The following KCNMA1 variants were observed in gnomAD, a reference collection of about 807,000 sequenced individuals.
The protein encoded by KCNMA1 is Calcium-activated potassium channel subunit alpha-1.
In KCNMA1, 29 loss-of-function variants were observed where a neutral mutation model predicts 140.0. The ratio of observed to expected loss-of-function variants is 0.21; its 90% CI spans 0.15 to 0.28. KCNMA1 has a LOEUF of 0.28. Among genes scored for constraint, KCNMA1 ranks in the 10% least tolerant of loss-of-function variants. KCNMA1 has a pLI of 1.00. For missense variants in KCNMA1, 880 were observed against 1,602.2 expected (o/e 0.55, Z 7.70); for synonymous variants, 612 against 611.9 (o/e 1.00, Z 0.00).
At chr10:77,180,155 C>T (rs927623362) in intron 5 of KCNMA1, among the ~76,000 whole-genome samples, 3 of 152,198 alleles carry the variant, frequency 2.0e-5, no homozygotes, top group African/African-American at 7.2e-5. Flanking sequence ...CGGTTTCCTG[C>T]ATCTTATCCC....
At chr10:76,940,318 G>T (rs1264739477) in intron 23 of KCNMA1, among the ~76,000 whole-genome samples, 1 of 152,232 alleles carries the variant, frequency 6.6e-6, no homozygotes, top group African/African-American at 2.4e-5. Context: ...TCAAAAGGGA[G>T]TGTGAAAAGA....
chr10:77,344,523 G>A (rs762639836), intron 2 of KCNMA1, among the ~76,000 whole-genome samples: 2 of 151,878 alleles, frequency 1.3e-5, no homozygotes, highest in African/African-American at 2.4e-5. Context: ...TTATTTAACC[G>A]TACTTATTTT....
chr10:76,884,854 AAAT>A (rs1222984639), downstream of KCNMA1: 11 of 1,317,162 alleles, frequency 8.4e-6, no homozygotes, highest in African/African-American at 1.4e-4. Flanking sequence ...ATATAAATAA[AAAT>A]AAACAAACCA....
At position 76,953,870 on chromosome 10, in the gene KCNMA1, A is replaced by G. The variant is rs747754566; in HGVS notation, c.2415T>C (p.Asn805=). ...TCCCAGTAGAGTCGTACTTCTTCAC[A>G]TTGGAGTCCATGTTGTCAATCTGAT... is the stretch of plus-strand genomic sequence containing the variant. ...GNDQIDNMDS[N]VKKYDSTGMF... The change falls in exon 21 of 28, where the codon AAT becomes AAC. Residue 805 remains asparagine (N), a synonymous_variant. Coordinates refer to ENST00000286628, the MANE Select transcript of KCNMA1 (RefSeq NM_001161352.2). 1.2e-6 allele frequency: 2 copies of G among 1,614,052 alleles called. No homozygotes were observed. Among genetic ancestry groups the G allele is most frequent in the Non-Finnish European group, 1.7e-6 (2 of 1,179,922 alleles).
intron 2 of KCNMA1, among the ~76,000 whole-genome samples, chr10:77,286,311 C>T (rs1473262476): frequency 3.3e-5 from 5 of 152,158 alleles, no homozygotes; most frequent in Non-Finnish European, 1.5e-5. Flanking sequence ...AGCCTGAGAG[C>T]GGAGGCTGAT....
chr10:77,014,043 T>C (rs1381990860), intron 17 of KCNMA1, among the ~76,000 whole-genome samples: 1 of 152,244 alleles, frequency 6.6e-6, no homozygotes, highest in Non-Finnish European at 1.5e-5. Context: ...GAAATACATA[T>C]ACAATGTGGA....
chr10:76,922,391 T>TG (rs1373235787), intron 23 of KCNMA1, among the ~76,000 whole-genome samples: 1 of 152,144 alleles, frequency 6.6e-6, no homozygotes, highest in Non-Finnish European at 1.5e-5. Flanking sequence ...CAGTGTTTGT[T>TG]GGGGGTGCAG....
intron 10 of KCNMA1, among the ~76,000 whole-genome samples, chr10:77,086,802 G>C (rs998447110): frequency 6.6e-6 from 1 of 152,158 alleles, no homozygotes; most frequent in Non-Finnish European, 1.5e-5. Flanking sequence ...CATGGTAAAA[G>C]AAAGAGGTTC....
intron 2 of KCNMA1, among the ~76,000 whole-genome samples, chr10:77,265,827 T>A (rs1011809449): frequency 1.3e-5 from 2 of 152,248 alleles, no homozygotes; most frequent in East Asian, 3.9e-4. Flanking sequence ...ATGCCTATAA[T>A]CCCAGCACTT....
intron 23 of KCNMA1, among the ~76,000 whole-genome samples, chr10:76,922,103 A>T (rs1564925093): frequency 6.6e-6 from 1 of 152,214 alleles, no homozygotes; most frequent in Non-Finnish European, 1.5e-5. Flanking sequence ...GCCTAATGAC[A>T]GTGCTTGGAA....
chr10:77,521,590 C>T (rs1003053515), intron 1 of KCNMA1, among the ~76,000 whole-genome samples: 9 of 152,160 alleles, frequency 5.9e-5, no homozygotes, highest in Admixed American at 1.3e-4. Context: ...CTGTAAGGAT[C>T]GGACAAGTAA....
Position 76,942,641 on chromosome 10 carries a change from T to C in KCNMA1, c.2902+2132A>G, listed in dbSNP as rs1472162074. ...TAGGATCTAAGAGGCTGGGATGAGG[T>C]TTAAGAGAACTGGAAGGAACAACTA... is the stretch of plus-strand genomic sequence containing the variant. On this transcript the variant is annotated intron_variant, in intron 23 of 27. Coordinates refer to ENST00000286628, the MANE Select transcript of KCNMA1 (RefSeq NM_001161352.2). Among the ~76,000 whole-genome samples the C allele has an allele frequency of 2.0e-5, 3 of 152,136 alleles. No homozygotes were observed. In the East Asian group the frequency reaches 5.8e-4, roughly 29 times the overall value.
chr10:77,206,021 G>A (rs1265361665), intron 3 of KCNMA1, among the ~76,000 whole-genome samples: 2 of 152,152 alleles, frequency 1.3e-5, no homozygotes, highest in Non-Finnish European at 2.9e-5. Context: ...TCGCTCTAAT[G>A]AATCTATGGA....
intron 9 of KCNMA1, among the ~76,000 whole-genome samples, chr10:77,092,813 C>T (rs1356310442): frequency 6.6e-6 from 1 of 152,202 alleles, no homozygotes; most frequent in African/African-American, 2.4e-5. Flanking sequence ...ATGCAAAGAA[C>T]TGAATGAACA....
intron 2 of KCNMA1, among the ~76,000 whole-genome samples, chr10:77,280,085 C>G (rs1445806973): frequency 6.6e-6 from 1 of 152,160 alleles, no homozygotes; most frequent in Non-Finnish European, 1.5e-5. Context: ...CCTTCCTCCT[C>G]TAATAGAGAA....
At chr10:77,310,282 C>A (rs1044369806) in intron 2 of KCNMA1, among the ~76,000 whole-genome samples, 1 of 152,160 alleles carries the variant, frequency 6.6e-6, no homozygotes, top group East Asian at 1.9e-4. Flanking sequence ...TCAGCTGCCC[C>A]TGCTGCTGCA....
intron 1 of KCNMA1, among the ~76,000 whole-genome samples, chr10:77,506,828 AGAGAGAGAGAGAGTGT>A (rs2046285128): frequency 8.2e-6 from 1 of 122,132 alleles, no homozygotes; most frequent in Non-Finnish European, 1.6e-5. Context: ...AGAGAAAGAG[AGAGAGAGAGAGAGTGT>A]GTGTGTGTGT....
At chr10:77,533,439 T>C (rs111608911) in intron 1 of KCNMA1, among the ~76,000 whole-genome samples, 2,720 of 152,288 alleles carry the variant, frequency 0.018, 36 homozygotes, top group Non-Finnish European at 0.026. Context: ...CTTGTCTGCT[T>C]CATTTGCAAA....
At chr10:76,918,051 A>G (rs940361913) in intron 23 of KCNMA1, among the ~76,000 whole-genome samples, 6 of 152,128 alleles carry the variant, frequency 3.9e-5, no homozygotes, top group African/African-American at 1.4e-4. Context: ...CCAATCTCTG[A>G]CCATCTTGCT....
Sources: allele counts gnomAD v4.1 joint callset (sites outside exome capture counted in the v4.1 genomes callset), GRCh38; gene constraint gnomAD v4.1.1; transcripts MANE v1.5; gene names NCBI Gene and HGNC (gene_info 2026-07-23, HGNC 2026-07-21).